The following JCAD variants were observed in gnomAD, a reference collection of about 807,000 sequenced individuals.
JCAD encodes the protein junctional cadherin 5 associated.
A neutral mutation model predicts 98.0 loss-of-function variants in JCAD; 40 were observed. The observed-to-expected ratio is 0.41, with a 90% CI of 0.32 to 0.53. The LOEUF (loss-of-function observed/expected upper bound fraction) is 0.53. Ranked by LOEUF, JCAD falls within the 20% of genes least tolerant of loss-of-function variation. The pLI is 0.31. For missense variants in JCAD, 1,705 were observed against 1,738.1 expected (o/e 0.98, Z 0.34); for synonymous variants, 691 against 682.3 (o/e 1.01, Z -0.20).
At chr10:30,051,294 AC>A (rs1837465614) in intron 1 of JCAD, among the ~76,000 whole-genome samples, 1 of 151,718 alleles carries the variant, frequency 6.6e-6, no homozygotes, top group South Asian at 2.1e-4. Context: ...GCACACACAC[AC>A]ACACACACAC....
chr10:30,090,881 C>T (rs1341395355), intron 1 of JCAD, among the ~76,000 whole-genome samples: 1 of 152,136 alleles, frequency 6.6e-6, no homozygotes, highest in African/African-American at 2.4e-5. Flanking sequence ...AACCCCACGG[C>T]AGGATTAGAA....
intron 1 of JCAD, among the ~76,000 whole-genome samples, chr10:30,052,151 C>T (rs187899124): frequency 1.7e-4 from 26 of 152,310 alleles, no homozygotes; most frequent in African/African-American, 9.6e-5. Context: ...TTGCTGTTAA[C>T]GATCCACTGA....
chr10:30,069,609 C>T (rs1837849280), intron 2 of JCAD: 1 of 130,904 alleles, frequency 7.6e-6, no homozygotes, highest in South Asian at 2.6e-4. Context: ...CAACCCCCCC[C>T]CCCAAAAAAA....
chr10:30,061,413 G>A (rs551173873), upstream of JCAD, among the ~76,000 whole-genome samples: 1 of 152,032 alleles, frequency 6.6e-6, no homozygotes, highest in African/African-American at 2.4e-5. Flanking sequence ...GTGGTGGCAG[G>A]TGCCTGTAAT....
At chr10:30,111,137 G>C (rs927809671) in intron 1 of JCAD, among the ~76,000 whole-genome samples, 6 of 152,170 alleles carry the variant, frequency 3.9e-5, no homozygotes, top group African/African-American at 1.4e-4. Context: ...TGATGTATGG[G>C]CCTGCTGATG....
rs766826407 is a variant in JCAD at position 30,029,858 on chromosome 10, T to C, written c.290A>G (p.Asn97Ser). ...ASRTSEAGFC[N>S]QPPSAWSSHP... ...AGAGGACCATGCTGAGGGGGGTTGA[T>C]TACAAAACCTACAAAACAAAGAGTC... Residue 97 changes from asparagine to serine, a missense_variant, in exon 3 of 4, where the codon AAT (asparagine) becomes AGT (serine). Asn to Ser is a conservative substitution (Grantham distance 46). Around this residue, in one of 3 missense-constraint regions of JCAD, gnomAD observed 152 missense variants for 148.0 expected, o/e 1.03. Transcript: ENST00000375377. The C allele has an allele frequency of 6.2e-6, 10 of 1,612,964 alleles. No homozygotes were observed. In the Admixed American group the frequency reaches 8.4e-5, roughly 13 times the overall value.
intron 1 of JCAD, among the ~76,000 whole-genome samples, chr10:30,049,318 G>A (rs1245032268): frequency 1.3e-5 from 2 of 152,164 alleles, no homozygotes; most frequent in African/African-American, 2.4e-5. Context: ...CAGCCATGGC[G>A]AACAATGGCC....
At chr10:30,091,831 C>T (rs1247546559) in intron 1 of JCAD, among the ~76,000 whole-genome samples, 1 of 144,174 alleles carries the variant, frequency 6.9e-6, no homozygotes, top group Non-Finnish European at 1.5e-5. Flanking sequence ...CAAGAGCAGC[C>T]TGGCCAAAAT....
At chr10:30,082,990 C>T (rs1277403379) in intron 1 of JCAD, among the ~76,000 whole-genome samples, 3 of 151,790 alleles carry the variant, frequency 2.0e-5, no homozygotes, top group East Asian at 3.9e-4. Context: ...GCCAAGATTG[C>T]ACCACTGCAC....
intron 1 of JCAD, among the ~76,000 whole-genome samples, chr10:30,091,714 ATTTTTT>A (rs11307523): frequency 1.2e-4 from 10 of 81,776 alleles, no homozygotes; most frequent in Admixed American, 5.1e-4. Flanking sequence ...AAGTTTTTAA[ATTTTTT>A]TTTTTTTTTT....
In JCAD at chr10:30,029,445, C is replaced by T. The variant is rs748388519; in HGVS notation, c.703G>A (p.Val235Ile). Residue 235 changes from valine (V) to isoleucine (I), a missense_variant, in exon 3 of 4, where the codon GTT (valine) becomes ATT (isoleucine). Val to Ile is a conservative substitution (Grantham distance 29). This residue lies in a region of JCAD where 275 missense variants were observed against 346.9 expected (regional missense o/e 0.79). Transcript: ENST00000375377. ...NKGKSRSLPR[V>I]LSPESLSCTE... ...CAACTCAGGCTCTCGGGGGAAAGAA[C>T]TCTAGGCAGTGAGCGAGACTTCCCT... 12 of 1,614,022 alleles carry T rather than the reference C, an allele frequency of 7.4e-6. No homozygotes were observed. The Admixed American group carries it at 1.2e-4, about 16-fold the overall frequency.
chr10:30,040,213 C>T (rs1315082870), intron 2 of JCAD, among the ~76,000 whole-genome samples: 3 of 152,146 alleles, frequency 2.0e-5, no homozygotes, highest in Admixed American at 6.5e-5. Flanking sequence ...CATCACAAGA[C>T]GCTGCTCCTC....
chr10:30,104,324 C>T (rs558603301), intron 1 of JCAD, among the ~76,000 whole-genome samples: 1 of 152,070 alleles, frequency 6.6e-6, no homozygotes, highest in African/African-American at 2.4e-5. Flanking sequence ...ATGGAATCAA[C>T]CTAGGTGCCC....
intron 1 of JCAD, among the ~76,000 whole-genome samples, chr10:30,100,071 A>G (rs1352366229): frequency 6.6e-6 from 1 of 151,638 alleles, no homozygotes; most frequent in Non-Finnish European, 1.5e-5. Flanking sequence ...AGCAGGGGCC[A>G]TGTGTGTCAG....
chr10:30,034,147 C>T (rs898397884), intron 2 of JCAD, among the ~76,000 whole-genome samples: 20 of 151,886 alleles, frequency 1.3e-4, no homozygotes, highest in Non-Finnish European at 2.4e-4. Flanking sequence ...CGCTTGAACC[C>T]GGGAGGAGGA....
intron 2 of JCAD, among the ~76,000 whole-genome samples, chr10:30,032,262 A>T (rs370019094): frequency 2.6e-5 from 4 of 152,186 alleles, no homozygotes; most frequent in African/African-American, 9.7e-5. Context: ...GCCTTTAAAA[A>T]ATACCAAAGC....
At chr10:30,060,504 A>G (rs1824940101), upstream of JCAD, among the ~76,000 whole-genome samples, 1 of 152,224 alleles carries the variant, frequency 6.6e-6, no homozygotes, top group South Asian at 2.1e-4. Flanking sequence ...AGGCAGACAG[A>G]AGACAAAAAA....
chr10:30,082,873 A>C (rs980784134), intron 1 of JCAD, among the ~76,000 whole-genome samples: 27 of 149,112 alleles, frequency 1.8e-4, no homozygotes, highest in African/African-American at 3.7e-4. Flanking sequence ...AAAAAAAAAA[A>C]AAAACAAAAA....
At chr10:30,094,579 C>T (rs1838338933) in intron 1 of JCAD, among the ~76,000 whole-genome samples, 2 of 152,186 alleles carry the variant, frequency 1.3e-5, no homozygotes, top group Non-Finnish European at 2.9e-5. Context: ...ACAGTGCATG[C>T]AATATTCATC....
Sources: gnomAD v4.1 joint callset for allele counts (sites outside exome capture counted in the v4.1 genomes callset) on GRCh38, gnomAD v4.1.1 for gene constraint, gnomAD v4.1.1 regional missense constraint, MANE v1.5 for transcripts, NCBI Gene and HGNC (gene_info 2026-07-23, HGNC 2026-07-21) for gene names.